Variants in SOCS6 observed in about 807,000 individuals in gnomAD.
SOCS6 encodes the protein suppressor of cytokine signaling 6, also known as STAT induced STAT inhibitor-4.
A neutral mutation model predicts 27.7 loss-of-function variants in SOCS6; 5 were observed. That is an observed-to-expected ratio of 0.18 (90% CI 0.09 to 0.38). The LOEUF is 0.38. SOCS6 is among the 10% of genes least tolerant of loss of function. The pLI is 1.00. For synonymous variants in SOCS6, 271 were observed against 260.0 expected (o/e 1.04, Z -0.41); for missense variants, 595 against 688.1 (o/e 0.86, Z 1.51).
chr18:70,322,277 C>A (rs1245604748), intron 1 of SOCS6, among the ~76,000 whole-genome samples: 1 of 152,040 alleles, frequency 6.6e-6, no homozygotes, highest in African/African-American at 2.4e-5. Context: ...AAAACAGATA[C>A]TCTTAAAAAT....
At chr18:70,291,127 T>C (rs41440050) in intron 1 of SOCS6, among the ~76,000 whole-genome samples, 37,558 of 152,128 alleles carry the variant, frequency 0.25, 4,765 homozygotes, top group Middle Eastern at 0.37. Context: ...AGTATCTTCT[T>C]TTTTGTTTTT....
intron 1 of SOCS6, among the ~76,000 whole-genome samples, chr18:70,318,808 C>T (rs1220161450): frequency 6.6e-6 from 1 of 151,714 alleles, no homozygotes; most frequent in Non-Finnish European, 1.5e-5. Flanking sequence ...TGGTGGTGGG[C>T]GCCTATAATC....
intron 1 of SOCS6, among the ~76,000 whole-genome samples, chr18:70,291,566 G>A (rs1394220387): frequency 6.6e-6 from 1 of 152,110 alleles, no homozygotes; most frequent in Non-Finnish European, 1.5e-5. Context: ...CATATAGATG[G>A]TCCCCAATTT....
intron 1 of SOCS6, among the ~76,000 whole-genome samples, chr18:70,324,309 A>G (rs1911103061): frequency 1.3e-5 from 2 of 151,838 alleles, no homozygotes; most frequent in Non-Finnish European, 2.9e-5. Context: ...TCAAAATAAT[A>G]ATAATAATAA....
At chr18:70,299,899 G>A (rs1365846532) in intron 1 of SOCS6, among the ~76,000 whole-genome samples, 2 of 152,070 alleles carry the variant, frequency 1.3e-5, no homozygotes, top group Non-Finnish European at 2.9e-5. Flanking sequence ...TAAAGTATGG[G>A]GAGGATGTAC....
chr18:70,324,088 G>A (rs1911092134), intron 1 of SOCS6, among the ~76,000 whole-genome samples: 1 of 152,104 alleles, frequency 6.6e-6, no homozygotes, highest in African/African-American at 2.4e-5. Flanking sequence ...GGATCATAAG[G>A]TCAAGAGATC....
chr18:70,316,907 A>G (rs1406860093), intron 1 of SOCS6, among the ~76,000 whole-genome samples: 6 of 152,226 alleles, frequency 3.9e-5, no homozygotes, highest in South Asian at 2.1e-4. Context: ...GATACACTCT[A>G]TATCCTTACA....
At position 70,325,712 on chromosome 18, in the gene SOCS6, G is replaced by T; in HGVS notation, c.1044G>T (p.Pro348=). 6.2e-7 allele frequency: 1 copy of T among 1,614,148 alleles called. No individual in the cohort carries two copies. The highest frequency in any genetic ancestry group is 2.2e-5 in the East Asian group (1 of 44,870). Reference sequence around the variant, plus strand: ...TGCGCTGTCATTTGAATTTTGATCCGAACTCTGCTCCTGGGGTTGCAAGAG... The same window carrying T: ...TGCGCTGTCATTTGAATTTTGATCCTAACTCTGCTCCTGGGGTTGCAAGAG... ...ESMRCHLNFD[P]NSAPGVARVY... is the part of the protein sequence containing the mutation. The change falls in exon 2 of 2, where the codon CCG becomes CCT. Residue 348 remains proline (P), a synonymous_variant. Transcript: ENST00000397942. This position sits in a 1 kb window ranked among gnomAD's most constrained non-coding sequence, Gnocchi z 6.3.
chr18:70,314,315 T>C (rs1289581306), intron 1 of SOCS6: 1 of 148,510 alleles, frequency 6.7e-6, no homozygotes, highest in African/African-American at 2.5e-5. Flanking sequence ...AATTTTGTAA[T>C]TGGTCACTTG....
In SOCS6 at chr18:70,330,189, C is replaced by T. The variant is rs575010772; in HGVS notation, c.*3913C>T. ...GATACAGTGTGTAAATAAAAAATTT[C>T]GTTCACAAGACCTGCCTTGTAGTCT... On this transcript the variant is annotated 3_prime_UTR_variant, in exon 2 of 2. Coordinates refer to ENST00000397942, the MANE Select transcript of SOCS6 (RefSeq NM_004232.4). The T allele has an allele frequency of 6.0e-5, 10 of 167,086 alleles. No individual in the cohort carries two copies. The highest frequency in any genetic ancestry group is 5.8e-4 in the East Asian group (3 of 5,192). 10.4% of individuals were successfully genotyped at this position (167,086 alleles called of 1,614,324 possible). A position where few individuals can be genotyped will look rare whatever the true frequency, so the allele number is the denominator to read the frequency against.
chr18:70,290,700 G>T (rs1341568857), intron 1 of SOCS6, among the ~76,000 whole-genome samples: 1 of 152,224 alleles, frequency 6.6e-6, no homozygotes, highest in Admixed American at 6.5e-5. Context: ...CTGGAGTTTG[G>T]CCAGGGCTTT....
intron 1 of SOCS6, chr18:70,296,478 G>C (rs1221510362): frequency 1.3e-5 from 2 of 152,258 alleles, no homozygotes; most frequent in African/African-American, 4.8e-5. Flanking sequence ...TCTGCAGGTC[G>C]CACGCTGGTC....
At chr18:70,290,621 C>A (rs2062294633) in intron 1 of SOCS6, among the ~76,000 whole-genome samples, 2 of 152,150 alleles carry the variant, frequency 1.3e-5, no homozygotes, top group African/African-American at 2.4e-5. Context: ...CCTAAGCCTG[C>A]CTTGGTGCCT....
chr18:70,326,554 C>G lies in SOCS6; in HGVS notation c.*278C>G, dbSNP rs1242284179. On this transcript the variant is annotated 3_prime_UTR_variant, in exon 2 of 2. Coordinates refer to ENST00000397942, the MANE Select transcript of SOCS6 (RefSeq NM_004232.4). ...ACAATGTGAATTATCAAATTCTCCT[C>G]AATGCCCCCCCCGCCCAGTCCTTTG... 2.6e-6 allele frequency: 1 copy of G among 379,714 alleles called. No homozygotes were observed. The highest frequency in any genetic ancestry group is 4.9e-6 in the Non-Finnish European group (1 of 202,682). 23.5% of individuals were successfully genotyped at this position (379,714 alleles called of 1,614,324 possible).
chr18:70,303,119 GT>G lies in SOCS6; in HGVS notation c.-127+14030del, dbSNP rs2062355619. 2.6e-5 allele frequency among the ~76,000 whole-genome samples: 4 copies of G among 152,310 alleles called. No individual in the cohort carries two copies. In the East Asian group the frequency reaches 7.7e-4, roughly 29 times the overall value. On this transcript the variant is annotated intron_variant, in intron 1 of 1. Transcript: ENST00000397942. ...CTGCCATCCAGTTAACAGTTCTGCT[GT>G]ACTTTGTGGTCCAGTTTTCCTCCCT...
intron 1 of SOCS6, among the ~76,000 whole-genome samples, chr18:70,312,362 C>A (rs1438757102): frequency 6.6e-6 from 1 of 151,598 alleles, no homozygotes; most frequent in Non-Finnish European, 1.5e-5. Context: ...ACATTGTTGT[C>A]CATATGTCTT....
At position 70,325,742 on chromosome 18, in the gene SOCS6, T is replaced by C. The variant is rs370813542; in HGVS notation, c.1074T>C (p.Tyr358=). The C allele has an allele frequency of 3.1e-6, 5 of 1,614,136 alleles. No individual in the cohort carries two copies. Among genetic ancestry groups the C allele is most frequent in the Non-Finnish European group, 4.2e-6 (5 of 1,180,060 alleles). Residue 358 remains tyrosine, a synonymous_variant, in exon 2 of 2, where the codon TAT becomes TAC. Transcript: ENST00000397942. The surrounding 1 kb of genome is among the most constrained non-coding windows in gnomAD (Gnocchi z 6.3). ...CTGCTCCTGGGGTTGCAAGAGTTTA[T>C]GACTCAGTGCAAAGTAGTGGTCCCA... is the stretch of plus-strand genomic sequence containing the variant. ...PNSAPGVARV[Y]DSVQSSGPMV...
At chr18:70,322,963 G>A (rs1481273608) in intron 1 of SOCS6, among the ~76,000 whole-genome samples, 1 of 152,164 alleles carries the variant, frequency 6.6e-6, no homozygotes, top group Non-Finnish European at 1.5e-5. Flanking sequence ...CAGTTTATCT[G>A]TTCATACATC....
At chr18:70,324,409 C>T (rs1439330740) in intron 1 of SOCS6, 134 bp from the exon 2 acceptor site, 3 of 301,172 alleles carry the variant, frequency 1.0e-5, no homozygotes, top group South Asian at 1.0e-4. Context: ...AAAGAAAGCC[C>T]GGTCCTAACA....
Sources: allele counts gnomAD v4.1 joint callset (sites outside exome capture counted in the v4.1 genomes callset), GRCh38; gene constraint gnomAD v4.1.1; non-coding constraint Gnocchi (gnomAD v3.1); transcripts MANE v1.5; gene names NCBI Gene and HGNC (gene_info 2026-07-23, HGNC 2026-07-21).